Variants in CCSER1 observed in about 807,000 individuals in gnomAD.
CCSER1 encodes serine-rich coiled-coil domain-containing protein 1.
CCSER1 carries 41 observed loss-of-function variants against 82.0 expected under a neutral mutation model. The observed-to-expected ratio is 0.50, with a 90% CI of 0.39 to 0.65. The LOEUF (loss-of-function observed/expected upper bound fraction) is 0.65. CCSER1 is among the 30% of genes least tolerant of loss of function. CCSER1 has a pLI of 0.00. For missense variants in CCSER1, 1,119 were observed against 1,064.2 expected (o/e 1.05, Z -0.72); for synonymous variants, 414 against 383.9 (o/e 1.08, Z -0.92).
chr4:91,230,593 T>C (rs1248110991), intron 10 of CCSER1, among the ~76,000 whole-genome samples: 1 of 152,116 alleles, frequency 6.6e-6, no homozygotes, highest in East Asian at 1.9e-4. Flanking sequence ...ATATACATGA[T>C]TTGTGCCTAT....
intron 10 of CCSER1, among the ~76,000 whole-genome samples, chr4:91,158,652 C>T (rs993905688): frequency 6.0e-5 from 9 of 151,176 alleles, no homozygotes; most frequent in Non-Finnish European, 4.4e-5. Flanking sequence ...GTGTGTCTCA[C>T]TGGGATGGAC....
chr4:90,598,026 T>C (rs1783557050), intron 5 of CCSER1, among the ~76,000 whole-genome samples: 1 of 152,130 alleles, frequency 6.6e-6, no homozygotes, highest in African/African-American at 2.4e-5. Context: ...CACATTTTCT[T>C]TCTCCATTTG....
chr4:90,412,337 G>A (rs370000584), intron 4 of CCSER1, among the ~76,000 whole-genome samples: 40 of 107,804 alleles, frequency 3.7e-4, no homozygotes, highest in Middle Eastern at 0.012. Flanking sequence ...AGGGGGGAGG[G>A]ATAGCATAGG....
At chr4:90,709,841 G>T (rs1451696844) in intron 6 of CCSER1, among the ~76,000 whole-genome samples, 1 of 151,762 alleles carries the variant, frequency 6.6e-6, no homozygotes, top group Non-Finnish European at 1.5e-5. Context: ...CTGCCTCTAG[G>T]TCTTTGAGGA....
chr4:90,242,049 A>G (rs2153434962), intron 1 of CCSER1, among the ~76,000 whole-genome samples: 1 of 152,298 alleles, frequency 6.6e-6, no homozygotes, highest in South Asian at 2.1e-4. Flanking sequence ...GCTCCCACCT[A>G]TAATCCCAGC....
Position 90,271,826 on chromosome 4 carries a change from TTATATATATATATATA to T in CCSER1, c.-41-36396_-41-36381del, listed in dbSNP as rs1189309598. Among the ~76,000 whole-genome samples the T allele has an allele frequency of 9.3e-4, 40 of 42,882 alleles. 1 individual carries two copies. Among genetic ancestry groups the T allele is most frequent in the Non-Finnish European group, 1.1e-3 (26 of 23,616 alleles). 28.1% of individuals were successfully genotyped at this position (42,882 alleles called of 152,430 possible). On this transcript the variant is annotated intron_variant, in intron 1 of 10. Coordinates refer to ENST00000509176, the MANE Select transcript of CCSER1 (RefSeq NM_001145065.2). ...AAGATACTACCTGAGACTGGACAAT[TTATATATATATATATA>T]TATATATATATATATATATATTTTT...
intron 1 of CCSER1, among the ~76,000 whole-genome samples, chr4:90,160,632 C>T (rs1324090791): frequency 6.6e-6 from 1 of 152,056 alleles, no homozygotes; most frequent in Non-Finnish European, 1.5e-5. Context: ...AAATAGGGCT[C>T]ATGAATAGAT....
chr4:91,205,321 G>T (rs146751590), intron 10 of CCSER1, among the ~76,000 whole-genome samples: 1 of 151,726 alleles, frequency 6.6e-6, no homozygotes, highest in African/African-American at 2.4e-5. Flanking sequence ...GACGAAATAC[G>T]TGACCTCAAT....
At chr4:91,331,712 G>A (rs76085610) in intron 10 of CCSER1, among the ~76,000 whole-genome samples, 8,634 of 152,148 alleles carry the variant, frequency 0.057, 311 homozygotes, top group South Asian at 0.11. Context: ...TTAAAAAGAT[G>A]TCAATTGATA....
chr4:91,415,824 A>G (rs1753328992), intron 10 of CCSER1, among the ~76,000 whole-genome samples: 1 of 152,094 alleles, frequency 6.6e-6, no homozygotes, highest in Admixed American at 6.6e-5. Context: ...ATTTTAATAG[A>G]GGATTTTTGC....
intron 10 of CCSER1, among the ~76,000 whole-genome samples, chr4:91,293,209 A>G (rs1743890189): frequency 6.6e-6 from 1 of 151,942 alleles, no homozygotes; most frequent in Non-Finnish European, 1.5e-5. Flanking sequence ...AGCACCATCC[A>G]CTACAACCCT....
chr4:90,237,599 C>A (rs1746037478), intron 1 of CCSER1, among the ~76,000 whole-genome samples: 1 of 152,052 alleles, frequency 6.6e-6, no homozygotes, highest in African/African-American at 2.4e-5. Flanking sequence ...GGCAAAATAA[C>A]AATTTGGGAA....
At chr4:91,371,761 A>G (rs1365393296) in intron 10 of CCSER1, among the ~76,000 whole-genome samples, 2 of 152,326 alleles carry the variant, frequency 1.3e-5, no homozygotes, top group East Asian at 1.9e-4. Flanking sequence ...TCAAAATACA[A>G]TCACACATTA....
chr4:90,386,728 T>C (rs556714119), intron 3 of CCSER1, among the ~76,000 whole-genome samples: 16 of 152,156 alleles, frequency 1.1e-4, no homozygotes, highest in African/African-American at 3.4e-4. Context: ...TGGGAGAAAA[T>C]ATTCACACCT....
At chr4:90,971,292 A>G (rs547534996) in intron 9 of CCSER1, among the ~76,000 whole-genome samples, 1 of 152,030 alleles carries the variant, frequency 6.6e-6, no homozygotes, top group African/African-American at 2.4e-5. Context: ...CCATCTTCAC[A>G]TGGCAGAGCA....
intron 3 of CCSER1, chr4:90,325,842 A>G: frequency 4.3e-6 from 1 of 232,816 alleles, no homozygotes; most frequent in Non-Finnish European, 9.2e-6. Flanking sequence ...AAGGTCAAGA[A>G]ATATAGTACT....
At chr4:91,450,063 G>A (rs966977353) in intron 10 of CCSER1, among the ~76,000 whole-genome samples, 3 of 151,968 alleles carry the variant, frequency 2.0e-5, no homozygotes, top group African/African-American at 4.8e-5. Context: ...TATGAACTGG[G>A]TACTACACAG....
chr4:90,734,982 T>A (rs964245541), intron 7 of CCSER1, among the ~76,000 whole-genome samples: 1 of 152,186 alleles, frequency 6.6e-6, no homozygotes, highest in Admixed American at 6.5e-5. Context: ...GCTTTTATTG[T>A]TTTGAGGTAT....
chr4:91,107,197 C>G (rs192383435), intron 10 of CCSER1, among the ~76,000 whole-genome samples: 1 of 152,246 alleles, frequency 6.6e-6, no homozygotes, highest in East Asian at 1.9e-4. Context: ...CCTATGCCAT[C>G]TAGGTTTGTG....
Sources: gnomAD v4.1 joint callset for allele counts (sites outside exome capture counted in the v4.1 genomes callset) on GRCh38, gnomAD v4.1.1 for gene constraint, MANE v1.5 for transcripts, NCBI Gene and HGNC (gene_info 2026-07-23, HGNC 2026-07-21) for gene names.